The following DLG2 variants were observed in gnomAD, a reference collection of about 807,000 sequenced individuals.
DLG2 encodes the protein discs large MAGUK scaffold protein 2, also known as disks large homolog 2.
Under a neutral mutation model 132.5 loss-of-function variants are expected in DLG2, and 45 were observed. That is an observed-to-expected ratio of 0.34 (90% CI 0.27 to 0.44). The LOEUF (loss-of-function observed/expected upper bound fraction) is 0.44. Among genes scored for constraint, DLG2 ranks in the 20% least tolerant of loss-of-function variants. DLG2 has a pLI of 1.00. For missense variants in DLG2, 1,045 were observed against 1,196.9 expected (o/e 0.87, Z 1.87); for synonymous variants, 424 against 419.6 (o/e 1.01, Z -0.13).
At chr11:84,218,938 T>C (rs2096876746) in intron 8 of DLG2, among the ~76,000 whole-genome samples, 1 of 152,154 alleles carries the variant, frequency 6.6e-6, no homozygotes. Flanking sequence ...AGAAAAATAT[T>C]TTTCTATTGT....
chr11:85,405,251 G>A (rs907969275), intron 3 of DLG2, among the ~76,000 whole-genome samples: 1 of 151,884 alleles, frequency 6.6e-6, no homozygotes, highest in African/African-American at 2.4e-5. Flanking sequence ...AACATTTTGT[G>A]GCTCAGTGAG....
chr11:85,472,064 C>T (rs2093001738), intron 3 of DLG2, among the ~76,000 whole-genome samples: 4 of 152,104 alleles, frequency 2.6e-5, no homozygotes, highest in Admixed American at 2.6e-4. Context: ...AAACCAAAGA[C>T]AAATTAAAGC....
At chr11:85,419,491 T>A (rs2090128917) in intron 3 of DLG2, among the ~76,000 whole-genome samples, 1 of 152,250 alleles carries the variant, frequency 6.6e-6, no homozygotes, top group Non-Finnish European at 1.5e-5. Flanking sequence ...GTTGGGGAAG[T>A]TCTCATGGAT....
intron 17 of DLG2, among the ~76,000 whole-genome samples, chr11:83,816,573 G>A (rs968134464): frequency 6.6e-6 from 1 of 152,070 alleles, no homozygotes; most frequent in African/African-American, 2.4e-5. Flanking sequence ...TACATGCAGT[G>A]TAAGGTGATG....
intron 7 of DLG2, among the ~76,000 whole-genome samples, chr11:84,296,308 A>T (rs1253293060): frequency 1.3e-5 from 2 of 152,192 alleles, no homozygotes; most frequent in African/African-American, 2.4e-5. Flanking sequence ...TGATTTTGTT[A>T]CTTGAAACTT....
intron 9 of DLG2, among the ~76,000 whole-genome samples, chr11:84,113,620 G>A (rs1462995982): frequency 6.6e-6 from 1 of 152,114 alleles, no homozygotes; most frequent in Non-Finnish European, 1.5e-5. Context: ...TAGGATGGGT[G>A]ATAATAATGA....
intron 7 of DLG2, among the ~76,000 whole-genome samples, chr11:84,512,346 C>T (rs1437526324): frequency 6.6e-6 from 1 of 152,042 alleles, no homozygotes; most frequent in Non-Finnish European, 1.5e-5. Context: ...ATAGAGAGCA[C>T]TTCAGGCAAA....
chr11:84,913,055 C>A (rs77338533), intron 6 of DLG2, among the ~76,000 whole-genome samples: 4,023 of 152,118 alleles, frequency 0.026, 137 homozygotes, highest in African/African-American at 0.082. Context: ...GAGACAAAGT[C>A]GAAGAAATTA....
At chr11:84,479,971 T>C (rs977099301) in intron 7 of DLG2, among the ~76,000 whole-genome samples, 12 of 152,162 alleles carry the variant, frequency 7.9e-5, no homozygotes, top group African/African-American at 2.9e-4. Flanking sequence ...CCTCCTTTTC[T>C]CATTCCTTTA....
intron 7 of DLG2, among the ~76,000 whole-genome samples, chr11:84,408,337 TTA>T (rs34156590): frequency 0.35 from 51,418 of 148,188 alleles, 13,345 homozygotes; most frequent in African/African-American, 0.73. Flanking sequence ...CTTGCACATG[TTA>T]TATATATATA....
Position 85,622,595 on chromosome 11 carries a change from G to C in DLG2, c.-93+3992C>G, listed in dbSNP as rs2081792713. On this transcript the variant is annotated intron_variant, in intron 2 of 27. Coordinates refer to ENST00000376104, the MANE Select transcript of DLG2 (RefSeq NM_001142699.3). ...AAAACTTTGAATAGGGAAAAAATAAGCAGGAGAGTCATAAGGTCCTCTTCC... is the reference window on the plus strand; with the variant it reads ...AAAACTTTGAATAGGGAAAAAATAACCAGGAGAGTCATAAGGTCCTCTTCC... Among the ~76,000 whole-genome samples, 3 of 148,746 alleles carry C rather than the reference G, an allele frequency of 2.0e-5. No individual in the cohort carries two copies. In the Admixed American group the frequency reaches 2.0e-4, roughly 10 times the overall value.
At chr11:85,074,217 C>A (rs2066234713) in intron 6 of DLG2, among the ~76,000 whole-genome samples, 1 of 151,808 alleles carries the variant, frequency 6.6e-6, no homozygotes, top group Admixed American at 6.6e-5. Context: ...AGATAAAAAG[C>A]CTGAACATGT....
chr11:84,554,793 G>T (rs2099408745), intron 6 of DLG2, among the ~76,000 whole-genome samples: 1 of 152,092 alleles, frequency 6.6e-6, no homozygotes, highest in Non-Finnish European at 1.5e-5. Context: ...GAAATAAGAT[G>T]CTCCAAGAGA....
chr11:83,771,190 A>G (rs1166895176), intron 18 of DLG2, among the ~76,000 whole-genome samples: 1 of 152,136 alleles, frequency 6.6e-6, no homozygotes, highest in Non-Finnish European at 1.5e-5. Flanking sequence ...ATTTGTCTGC[A>G]ATTTTATAGA....
intron 21 of DLG2, among the ~76,000 whole-genome samples, chr11:83,515,851 A>G (rs1159699568): frequency 6.6e-6 from 1 of 152,198 alleles, no homozygotes; most frequent in Non-Finnish European, 1.5e-5. Context: ...GAGTTTCTTA[A>G]TCCTGAGTTC....
intron 7 of DLG2, among the ~76,000 whole-genome samples, chr11:84,496,012 G>A (rs1158077520): frequency 6.6e-6 from 1 of 152,100 alleles, no homozygotes; most frequent in Non-Finnish European, 1.5e-5. Flanking sequence ...GGACCAAGAA[G>A]GTCATTATAT....
chr11:85,345,135 C>A (rs2082741390), intron 3 of DLG2, among the ~76,000 whole-genome samples: 1 of 152,006 alleles, frequency 6.6e-6, no homozygotes, highest in South Asian at 2.1e-4. Flanking sequence ...GAAAATAGAC[C>A]ATTTCAAATC....
chr11:83,930,959 A>G (rs951926578), intron 14 of DLG2, among the ~76,000 whole-genome samples: 7 of 152,230 alleles, frequency 4.6e-5, no homozygotes, highest in African/African-American at 1.7e-4. Context: ...GAGTGGCACT[A>G]TACCAACTCT....
At chr11:83,962,816 C>T in intron 14 of DLG2, 69 bp downstream of exon 14, 2 of 1,574,628 alleles carry the variant, frequency 1.3e-6, no homozygotes, top group Non-Finnish European at 1.7e-6. Context: ...CAACACCTGA[C>T]ATGTTAGGCA....
Sources: allele counts gnomAD v4.1 joint callset (sites outside exome capture counted in the v4.1 genomes callset), GRCh38; gene constraint gnomAD v4.1.1; transcripts MANE v1.5; gene names NCBI Gene and HGNC (gene_info 2026-07-23, HGNC 2026-07-21).